WDFY4: variants seen among roughly 807,000 people sequenced by gnomAD.
WDFY4 encodes the protein WD repeat- and FYVE domain-containing protein 4.
Under a neutral mutation model 351.9 loss-of-function variants are expected in WDFY4, and 169 were observed. That is an observed-to-expected ratio of 0.48 (90% confidence interval 0.42 to 0.55). The LOEUF (loss-of-function observed/expected upper bound fraction) is 0.55. WDFY4 is among the 20% of genes least tolerant of loss of function. The pLI is 0.00. For missense variants in WDFY4, 3,803 were observed against 3,935.6 expected (o/e 0.97, Z 0.90); for synonymous variants, 1,622 against 1,574.6 (o/e 1.03, Z -0.71).
intron 39 of WDFY4, among the ~76,000 whole-genome samples, chr10:48,859,063 C>A (rs749369909): frequency 6.6e-5 from 10 of 152,078 alleles, no homozygotes; most frequent in Admixed American, 2.0e-4. Context: ...CCTGTGACCG[C>A]ATTTTTTTTG....
intron 39 of WDFY4, among the ~76,000 whole-genome samples, chr10:48,862,608 A>C (rs1247560108): frequency 6.6e-6 from 1 of 152,230 alleles, no homozygotes; most frequent in Admixed American, 6.5e-5. Context: ...TAATTATTTC[A>C]TTATATATTA....
Position 48,796,362 on chromosome 10 carries a change from T to G in WDFY4, c.4322T>G (p.Leu1441Arg). ...AACCATCGAATTTTTCAGCTGATCC[T>G]CTCAGTGGCTGGCACTGTGGAGCTG... The part of the protein sequence containing the change: ...LLNHRIFQLI[L>R]SVAGTVELGF... Residue 1441 changes from leucine (L) to arginine (R), a missense_variant, in exon 24 of 62, where the codon CTC (leucine) becomes CGC (arginine). By Grantham distance (102) the Leu-to-Arg change is moderately radical. Around this residue, in one of 3 missense-constraint regions of WDFY4, gnomAD observed 3,054 missense variants for 3,148.6 expected, o/e 0.97. Coordinates refer to ENST00000325239, the MANE Select transcript of WDFY4 (RefSeq NM_001394531.1). The G allele has an allele frequency of 6.4e-7, 1 of 1,552,354 alleles. No individual in the cohort carries two copies. Among genetic ancestry groups the G allele is most frequent in the Non-Finnish European group, 8.7e-7 (1 of 1,147,138 alleles).
rs1461466089 is a variant in WDFY4, at chr10:48,966,546, A to G, written c.8457A>G (p.Pro2819=). 6.4e-7 allele frequency: 1 copy of G among 1,552,062 alleles called. No homozygotes were observed. The highest frequency in any genetic ancestry group is 2.4e-5 in the East Asian group (1 of 40,918). ...TCTAGCTCTTTACCAAACCTCACCC[A>G]GCCAGGACTGCAGCAGGGAAGCCTC... ...VPKQLFTKPH[P]ARTAAGKPLP... Residue 2819 remains proline (P), a synonymous_variant, in exon 55 of 62, where the codon CCA becomes CCG. Coordinates refer to ENST00000325239, the MANE Select transcript of WDFY4 (RefSeq NM_001394531.1).
intron 43 of WDFY4, among the ~76,000 whole-genome samples, chr10:48,885,056 ACC>A (rs988475604): frequency 8.5e-5 from 13 of 152,172 alleles, no homozygotes; most frequent in Admixed American, 2.0e-4. Context: ...ATATGCTGAC[ACC>A]AGATGAAACC....
At chr10:48,753,129 AT>A (rs536554250) in intron 12 of WDFY4, among the ~76,000 whole-genome samples, 5 of 152,010 alleles carry the variant, frequency 3.3e-5, no homozygotes, top group African/African-American at 9.7e-5. Flanking sequence ...ATAATGTTGA[AT>A]TTTTTTATGT....
At chr10:48,913,691 T>C (rs1786686275) in intron 47 of WDFY4, 1 of 1,612,884 alleles carries the variant, frequency 6.2e-7, no homozygotes, top group Non-Finnish European at 8.5e-7. Flanking sequence ...TGTTGTTCAG[T>C]AGGTTGTCAT....
In WDFY4 at chr10:48,913,301, G is replaced by A. The variant is rs1052939809; in HGVS notation, c.7586+11438G>A. 8.9e-6 allele frequency: 11 copies of A among 1,242,050 alleles called. No homozygotes were observed. The East Asian group carries it at 1.9e-4, about 21-fold the overall frequency. The allele number at this position is 1,242,050 out of a possible 1,614,324, so 76.9% of individuals were successfully genotyped here. ...GGCTGAAAGAGCTGCTGCAGCCACA[G>A]GGGAGCCCTTGGTTTCCTGTGGAGG... On this transcript the variant is annotated intron_variant, in intron 47 of 61. Transcript: ENST00000325239.
At chr10:48,868,155 C>T (rs970256138) in intron 40 of WDFY4, among the ~76,000 whole-genome samples, 3 of 152,178 alleles carry the variant, frequency 2.0e-5, no homozygotes, top group African/African-American at 7.2e-5. Context: ...TCATCTGAAA[C>T]TGAGTTGCCT....
chr10:48,952,019 G>A (rs1238005193), intron 51 of WDFY4, among the ~76,000 whole-genome samples: 1 of 152,272 alleles, frequency 6.6e-6, no homozygotes. Flanking sequence ...CCTGAGGCGA[G>A]ATGGCTGGTT....
In WDFY4 at chr10:48,803,213, CCTT is replaced by C; in HGVS notation, c.4411-70_4411-68del. ...CAGAGGATCACCTGTCCAGCACTGA[CCTT>C]CTCATGCTTCCTGCAAATCATTCTT... On this transcript the variant is annotated intron_variant, in intron 24 of 61. Coordinates refer to ENST00000325239, the MANE Select transcript of WDFY4 (RefSeq NM_001394531.1). 2.8e-6 allele frequency: 4 copies of C among 1,446,162 alleles called. No homozygotes were observed. The South Asian group carries it at 3.7e-5, about 13-fold the overall frequency. The allele number at this position is 1,446,162 out of a possible 1,614,324, so 89.6% of individuals were successfully genotyped here.
At chr10:48,899,943 C>G (rs1285214743) in intron 45 of WDFY4, among the ~76,000 whole-genome samples, 1 of 152,204 alleles carries the variant, frequency 6.6e-6, no homozygotes, top group Non-Finnish European at 1.5e-5. Context: ...GGTGCTTTCT[C>G]TCGTGTCTGC....
chr10:48,729,929 T>A (rs1458073062), intron 8 of WDFY4, among the ~76,000 whole-genome samples: 2 of 152,198 alleles, frequency 1.3e-5, no homozygotes, highest in East Asian at 3.8e-4. Context: ...TTTGAGACAT[T>A]GATTGATTGA....
At chr10:48,903,498 T>C (rs1589841624) in intron 47 of WDFY4, among the ~76,000 whole-genome samples, 1 of 152,194 alleles carries the variant, frequency 6.6e-6, no homozygotes, top group South Asian at 2.1e-4. Flanking sequence ...AAAGCAAAGA[T>C]AATATGATGT....
At chr10:48,884,552 GCA>G (rs1474208665) in intron 43 of WDFY4, among the ~76,000 whole-genome samples, 2 of 116,374 alleles carry the variant, frequency 1.7e-5, no homozygotes, top group East Asian at 1.9e-4. Flanking sequence ...ATACACACAT[GCA>G]CACACACATG....
intron 43 of WDFY4, among the ~76,000 whole-genome samples, chr10:48,886,531 T>C (rs1158608710): frequency 6.6e-6 from 1 of 152,198 alleles, no homozygotes; most frequent in Non-Finnish European, 1.5e-5. Flanking sequence ...AAAGGATAAG[T>C]TCAGCCCCAT....
At chr10:48,982,330 C>T (rs1001815351) in intron 61 of WDFY4, among the ~76,000 whole-genome samples, 179 bp from the exon 62 acceptor site, 5 of 151,990 alleles carry the variant, frequency 3.3e-5, no homozygotes, top group African/African-American at 1.2e-4. Flanking sequence ...GCTTTCCCCT[C>T]CCCCAGGTGG....
In WDFY4 at chr10:48,864,318, C is replaced by T. The variant is rs367920733; in HGVS notation, c.6664-2947C>T. 1.5e-3 allele frequency among the ~76,000 whole-genome samples: 234 copies of T among 152,244 alleles called. 1 individual carries two copies. The highest frequency in any genetic ancestry group is 5.2e-3 in the African/African-American group (215 of 41,530). ...TGCATATGGCTATTTAGTTTTCCAT[C>T]GCCATTTGTTAAAAAGACTATTCGT... On this transcript the variant is annotated intron_variant, in intron 39 of 61. Coordinates refer to ENST00000325239, the MANE Select transcript of WDFY4 (RefSeq NM_001394531.1).
intron 11 of WDFY4, among the ~76,000 whole-genome samples, chr10:48,738,097 G>T (rs2064730572): frequency 6.6e-6 from 1 of 152,224 alleles, no homozygotes; most frequent in Non-Finnish European, 1.5e-5. Flanking sequence ...AACCAGTCAG[G>T]CTTGTGATTT....
chr10:48,873,504 GC>G lies in WDFY4; in HGVS notation c.6756del (p.Asn2253ThrfsTer45). On this transcript the variant is annotated frameshift_variant, in exon 41 of 62. Transcript: ENST00000325239. LOFTEE classifies it high-confidence loss of function. ...TCTGCTCCCCAGAGGCGAAAATGTG[GC>G]AACATCAAGGCAGCCAACGCCTGGG... is the stretch of plus-strand genomic sequence containing the variant. ...YKDHVQRRKC[G>X]NIKAANAWAR... 6.5e-7 allele frequency: 1 copy of G among 1,549,306 alleles called. No individual in the cohort carries two copies. Among genetic ancestry groups the G allele is most frequent in the Non-Finnish European group, 8.7e-7 (1 of 1,145,954 alleles).
Sources: allele counts gnomAD v4.1 joint callset (sites outside exome capture counted in the v4.1 genomes callset), GRCh38; gene constraint gnomAD v4.1.1; regional missense constraint gnomAD v4.1.1; transcripts MANE v1.5; gene names NCBI Gene and HGNC (gene_info 2026-07-23, HGNC 2026-07-21).